Variants in SPATS2 observed in about 807,000 individuals in gnomAD.
SPATS2 encodes spermatogenesis associated serine rich 2.
Under a neutral mutation model 63.7 loss-of-function variants are expected in SPATS2, and 38 were observed. The ratio of observed to expected loss-of-function variants is 0.60; its 90% CI spans 0.46 to 0.78. The LOEUF (loss-of-function observed/expected upper bound fraction) is 0.78, where lower values mean the gene tolerates loss of function less well. Ranked by LOEUF, SPATS2 falls within the 30% of genes least tolerant of loss-of-function variation. SPATS2 has a pLI of 0.00. For missense variants in SPATS2, 588 were observed against 666.2 expected, an observed-to-expected ratio of 0.88 and a Z score of 1.29; for synonymous variants, 207 against 232.9, an observed-to-expected ratio of 0.89 and a Z score of 1.01.
At chr12:49,477,895 A>G (rs1023377928) in intron 3 of SPATS2, among the ~76,000 whole-genome samples, 1 of 149,908 alleles carries the variant, frequency 6.7e-6, no homozygotes, top group African/African-American at 2.4e-5. Flanking sequence ...AAGTTGGTAG[A>G]TGAAGATTTA....
At chr12:49,457,118 A>G (rs1300315527) in intron 2 of SPATS2, among the ~76,000 whole-genome samples, 4 of 152,034 alleles carry the variant, frequency 2.6e-5, no homozygotes, top group Non-Finnish European at 5.9e-5. Context: ...CTTGAATTCA[A>G]ATTCTTATTT....
intron 2 of SPATS2, among the ~76,000 whole-genome samples, chr12:49,429,982 T>C (rs1945153564): frequency 6.6e-6 from 1 of 151,256 alleles, no homozygotes; most frequent in African/African-American, 2.4e-5. Context: ...GGTTTCACCA[T>C]GTTGGCCAGG....
At chr12:49,485,276 G>A (rs1339334868) in intron 4 of SPATS2, among the ~76,000 whole-genome samples, 4 of 151,768 alleles carry the variant, frequency 2.6e-5, no homozygotes, top group African/African-American at 7.2e-5. Flanking sequence ...CCGTGGCCTC[G>A]ATCTCCTGAC....
rs989085737 is a variant in SPATS2, at chr12:49,397,833, T to TAA, written c.-244+26567_-244+26568dup. Among the ~76,000 whole-genome samples, 281 of 82,284 alleles carry TAA rather than the reference T, an allele frequency of 3.4e-3. 3 individuals carry two copies. Among genetic ancestry groups the TAA allele is most frequent in the African/African-American group, 8.8e-3 (178 of 20,280 alleles). 54.0% of individuals were successfully genotyped at this position (82,284 alleles called of 152,430 possible). Reference sequence around the variant, plus strand: ...TGACAGAGTGAGACTCTTAGCTCTTTAAAAAAAAAAAAAAAAAAAAAAAAA... The same window carrying TAA: ...TGACAGAGTGAGACTCTTAGCTCTTTAAAAAAAAAAAAAAAAAAAAAAAAAAA... On this transcript the variant is annotated intron_variant, in intron 2 of 13. Coordinates refer to ENST00000552918, the MANE Select transcript of SPATS2 (RefSeq NM_023071.4).
At chr12:49,522,430 T>C (rs1946956786) in intron 11 of SPATS2, among the ~76,000 whole-genome samples, 1 of 152,242 alleles carries the variant, frequency 6.6e-6, no homozygotes, top group Non-Finnish European at 1.5e-5. Flanking sequence ...TGGAAAGACA[T>C]GGAGAATAGC....
intron 6 of SPATS2, among the ~76,000 whole-genome samples, chr12:49,492,604 G>A (rs1026914121): frequency 6.6e-6 from 1 of 152,128 alleles, no homozygotes; most frequent in Non-Finnish European, 1.5e-5. Context: ...GAGGATGTGT[G>A]TTAGAGACAC....
At chr12:49,497,673 C>T (rs1044291745) in intron 8 of SPATS2, among the ~76,000 whole-genome samples, 16 of 152,072 alleles carry the variant, frequency 1.1e-4, no homozygotes, top group African/African-American at 3.4e-4. Flanking sequence ...GAATTACAGG[C>T]GTGAGCCACT....
chr12:49,389,787 G>C, intron 2 of SPATS2: 1 of 1,171,328 alleles, frequency 8.5e-7, no homozygotes, highest in Non-Finnish European at 1.3e-6. Flanking sequence ...TACATCCCTG[G>C]AAGAACATCA....
At chr12:49,525,097 C>G (rs1239111801) in intron 13 of SPATS2, among the ~76,000 whole-genome samples, 1 of 152,176 alleles carries the variant, frequency 6.6e-6, no homozygotes, top group Non-Finnish European at 1.5e-5. Context: ...TTCCTGTTGC[C>G]AAGAACTGCT....
chr12:49,417,680 C>G (rs1944911127), intron 2 of SPATS2, among the ~76,000 whole-genome samples: 1 of 152,182 alleles, frequency 6.6e-6, no homozygotes, highest in South Asian at 2.1e-4. Flanking sequence ...TTGAGAGATT[C>G]AACCCATCTT....
At chr12:49,385,439 G>A (rs1944298458) in intron 2 of SPATS2, among the ~76,000 whole-genome samples, 1 of 151,066 alleles carries the variant, frequency 6.6e-6, no homozygotes, top group African/African-American at 2.4e-5. Flanking sequence ...AGTGAGGGAA[G>A]GCCTTGTTGA....
chr12:49,400,704 T>C (rs943302699), intron 2 of SPATS2, among the ~76,000 whole-genome samples: 2 of 152,036 alleles, frequency 1.3e-5, no homozygotes, highest in Non-Finnish European at 2.9e-5. Flanking sequence ...GAGGAAATGT[T>C]CATTGATAGC....
At chr12:49,407,737 T>A (rs1944721256) in intron 2 of SPATS2, among the ~76,000 whole-genome samples, 2 of 152,214 alleles carry the variant, frequency 1.3e-5, no homozygotes, top group African/African-American at 4.8e-5. Flanking sequence ...AATTTTAATT[T>A]AAAAAATGTT....
At chr12:49,458,091 C>T (rs941046134) in intron 2 of SPATS2, among the ~76,000 whole-genome samples, 2 of 152,170 alleles carry the variant, frequency 1.3e-5, no homozygotes, top group African/African-American at 4.8e-5. Flanking sequence ...GTGTACTCTC[C>T]TTTCCTTCTT....
At chr12:49,437,266 C>T (rs1477428308) in intron 2 of SPATS2, among the ~76,000 whole-genome samples, 6 of 148,476 alleles carry the variant, frequency 4.0e-5, no homozygotes, top group Admixed American at 2.0e-4. Flanking sequence ...ACATCTCAGA[C>T]GATGGGCGGC....
At chr12:49,498,145 A>AAAAAAATAT (rs66900382) in intron 8 of SPATS2, among the ~76,000 whole-genome samples, 52 of 98,952 alleles carry the variant, frequency 5.3e-4, no homozygotes, top group Middle Eastern at 4.9e-3. Flanking sequence ...AAAAAAAAAA[A>AAAAAAATAT]ATATATATAT....
intron 2 of SPATS2, among the ~76,000 whole-genome samples, chr12:49,396,164 C>A (rs1244990169): frequency 6.6e-6 from 1 of 152,112 alleles, no homozygotes; most frequent in African/African-American, 2.4e-5. Context: ...TAGGTTGTTT[C>A]CACATCTTGG....
intron 2 of SPATS2, among the ~76,000 whole-genome samples, chr12:49,427,992 A>C (rs573120898): frequency 4.6e-5 from 7 of 151,904 alleles, no homozygotes; most frequent in African/African-American, 1.7e-4. Flanking sequence ...GCGGTGGCTC[A>C]TGCCTGTAAT....
Position 49,494,845 on chromosome 12 carries a change from C to A in SPATS2, c.369C>A (p.Ser123=). The A allele has an allele frequency of 6.2e-7, 1 of 1,613,900 alleles. No individual in the cohort carries two copies. The highest frequency in any genetic ancestry group is 8.5e-7 in the Non-Finnish European group (1 of 1,179,998). The change falls in exon 7 of 14, where the codon TCC becomes TCA. Residue 123 remains serine (S), a synonymous_variant. Coordinates refer to ENST00000552918, the MANE Select transcript of SPATS2 (RefSeq NM_023071.4). ...TTCAAGAGGAACAGTCTGCGCCTTC[C>A]TCAGAGAAAGGTGGTATGAATGGCT... The part of the protein sequence containing the change: ...VSIQEEQSAP[S]SEKGGMNGYH...
Sources: gnomAD v4.1 joint callset for allele counts (sites outside exome capture counted in the v4.1 genomes callset) on GRCh38, gnomAD v4.1.1 for gene constraint, MANE v1.5 for transcripts, NCBI Gene and HGNC (gene_info 2026-07-23, HGNC 2026-07-21) for gene names.